The following LRP1B variants were observed in gnomAD, a reference collection of about 807,000 sequenced individuals.
The protein encoded by LRP1B is LDL receptor related protein 1B.
In LRP1B, 217 loss-of-function variants were observed where a neutral mutation model predicts 556.6. That is an observed-to-expected ratio of 0.39 (90% CI 0.35 to 0.44). The LOEUF (loss-of-function observed/expected upper bound fraction) is 0.44. LRP1B is among the 20% of genes least tolerant of loss of function. LRP1B has a pLI of 1.00. For synonymous variants in LRP1B, 2,047 were observed against 1,865.8 expected, an observed-to-expected ratio of 1.10 and a Z score of -2.50; for missense variants, 5,053 against 5,620.8, an observed-to-expected ratio of 0.90 and a Z score of 3.23.
At chr2:141,407,636 G>T (rs189889483) in intron 3 of LRP1B, among the ~76,000 whole-genome samples, 2 of 152,200 alleles carry the variant, frequency 1.3e-5, no homozygotes, top group East Asian at 3.9e-4. Flanking sequence ...ACTTGCTCCT[G>T]CTTTCACCAT....
chr2:140,252,792 A>G (rs1385095484), intron 86 of LRP1B, among the ~76,000 whole-genome samples: 1 of 152,082 alleles, frequency 6.6e-6, no homozygotes, highest in African/African-American at 2.4e-5. Flanking sequence ...AATCTTCTTG[A>G]AATCAACATC....
intron 2 of LRP1B, among the ~76,000 whole-genome samples, chr2:141,771,494 A>G (rs963743498): frequency 1.3e-5 from 2 of 152,240 alleles, no homozygotes; most frequent in Non-Finnish European, 2.9e-5. Context: ...AGTCTAACCC[A>G]TTTAGACAGT....
intron 41 of LRP1B, among the ~76,000 whole-genome samples, chr2:140,677,842 C>T (rs889316308): frequency 4.8e-5 from 7 of 147,010 alleles, no homozygotes; most frequent in African/African-American, 1.8e-4. Context: ...TGCTATTGCA[C>T]TCCAGTCTGG....
At chr2:140,453,802 C>A (rs1344311972) in intron 62 of LRP1B, among the ~76,000 whole-genome samples, 1 of 152,020 alleles carries the variant, frequency 6.6e-6, no homozygotes, top group Non-Finnish European at 1.5e-5. Flanking sequence ...CTGTTTGTTT[C>A]TAAAATAATA....
intron 2 of LRP1B, among the ~76,000 whole-genome samples, chr2:141,563,272 G>T (rs1339215720): frequency 6.6e-6 from 1 of 152,004 alleles, no homozygotes; most frequent in African/African-American, 2.4e-5. Context: ...TAGAAATGTT[G>T]ATCCAGATTT....
At chr2:140,775,467 AT>A (rs61535948) in intron 33 of LRP1B, among the ~76,000 whole-genome samples, 1,516 of 111,152 alleles carry the variant, frequency 0.014, 10 homozygotes, top group Middle Eastern at 0.047. Flanking sequence ...TTTTTGGTTG[AT>A]TTTTTTTTTT....
chr2:141,454,450 C>T (rs1290504901), intron 3 of LRP1B, among the ~76,000 whole-genome samples: 1 of 152,128 alleles, frequency 6.6e-6, no homozygotes. Context: ...GTGCACTGCC[C>T]TACTCAGCTA....
intron 43 of LRP1B, among the ~76,000 whole-genome samples, chr2:140,570,269 A>G (rs1387706827): frequency 6.6e-6 from 1 of 151,502 alleles, no homozygotes; most frequent in African/African-American, 2.4e-5. Context: ...GGTAAACAAA[A>G]TTGACAAACC....
intron 2 of LRP1B, among the ~76,000 whole-genome samples, chr2:141,710,943 G>T (rs1178177502): frequency 6.6e-6 from 1 of 152,122 alleles, no homozygotes. Flanking sequence ...GATTGATTTT[G>T]TATCATTATT....
intron 1 of LRP1B, among the ~76,000 whole-genome samples, chr2:141,986,868 C>T (rs1183288456): frequency 6.6e-6 from 1 of 151,950 alleles, no homozygotes; most frequent in Non-Finnish European, 1.5e-5. Context: ...GCATCTCTTC[C>T]AATATCTATT....
intron 66 of LRP1B, among the ~76,000 whole-genome samples, chr2:140,398,668 TG>T (rs1684360819): frequency 6.6e-6 from 1 of 152,114 alleles, no homozygotes; most frequent in African/African-American, 2.4e-5. Context: ...CAGGGACCAT[TG>T]GCACACATCA....
chr2:141,172,104 G>C (rs190271775), intron 7 of LRP1B, among the ~76,000 whole-genome samples: 180 of 152,190 alleles, frequency 1.2e-3, no homozygotes, highest in African/African-American at 4.1e-3. Context: ...AGCTGTTCTA[G>C]GTTACTTGAT....
chr2:140,660,225 A>T (rs1182219857), intron 41 of LRP1B, among the ~76,000 whole-genome samples: 5 of 152,042 alleles, frequency 3.3e-5, no homozygotes, highest in Non-Finnish European at 7.4e-5. Flanking sequence ...ATTCATAAAT[A>T]ATGTGCCCAT....
chr2:141,515,327 C>G (rs1198338015), intron 2 of LRP1B, among the ~76,000 whole-genome samples: 4 of 151,500 alleles, frequency 2.6e-5, no homozygotes, highest in Non-Finnish European at 5.9e-5. Flanking sequence ...AGAAGTATCC[C>G]ATGTCCCATG....
Position 141,492,091 on chromosome 2 carries a change from A to AAAAAAAAAACC in LRP1B, c.206-11559_206-11558insGGTTTTTTTTT, listed in dbSNP as rs67960557. On this transcript the variant is annotated intron_variant, in intron 2 of 90. Coordinates refer to ENST00000389484, the MANE Select transcript of LRP1B (RefSeq NM_018557.3). ...TATTTAGCTTTCTGAAAAAAAAAAA[A>AAAAAAAAAACC]CACTAAGAAAACCAACATTTGATGA... Among the ~76,000 whole-genome samples the AAAAAAAAAACC allele has an allele frequency of 2.0e-3, 199 of 100,194 alleles. 4 individuals are homozygous for AAAAAAAAAACC. In the Middle Eastern group the frequency reaches 0.036, roughly 18 times the overall value. The allele number at this position is 100,194 out of a possible 152,430, so 65.7% of individuals were successfully genotyped here.
chr2:142,016,776 T>C (rs1408427578), intron 1 of LRP1B, among the ~76,000 whole-genome samples: 2 of 151,030 alleles, frequency 1.3e-5, no homozygotes, highest in Non-Finnish European at 2.9e-5. Context: ...TGTATACCTA[T>C]GTAACAAACC....
intron 31 of LRP1B, among the ~76,000 whole-genome samples, chr2:140,819,638 A>G (rs533755058): frequency 2.7e-4 from 41 of 152,340 alleles, no homozygotes; most frequent in African/African-American, 9.9e-4. Context: ...ATAAACACAT[A>G]AAAAGATGTT....
At chr2:140,519,633 A>T (rs2104948268) in intron 49 of LRP1B, among the ~76,000 whole-genome samples, 1 of 152,234 alleles carries the variant, frequency 6.6e-6, no homozygotes, top group Admixed American at 6.6e-5. Flanking sequence ...AACTAAAGAG[A>T]TTCTGCACAG....
intron 7 of LRP1B, among the ~76,000 whole-genome samples, chr2:141,073,386 T>C (rs1188035628): frequency 6.6e-6 from 1 of 152,088 alleles, no homozygotes; most frequent in African/African-American, 2.4e-5. Context: ...CTCTTGGTTT[T>C]CTTCCTACCT....
Sources: gnomAD v4.1 joint callset for allele counts (sites outside exome capture counted in the v4.1 genomes callset) on GRCh38, gnomAD v4.1.1 for gene constraint, MANE v1.5 for transcripts, NCBI Gene and HGNC (gene_info 2026-07-23, HGNC 2026-07-21) for gene names.